The following PLA2G6 variants were observed in gnomAD, a reference collection of about 807,000 sequenced individuals.
The protein encoded by PLA2G6 is 85/88 kDa calcium-independent phospholipase A2.
PLA2G6 carries 62 observed loss-of-function variants against 83.8 expected under a neutral mutation model. The observed-to-expected ratio is 0.74, with a 90% CI of 0.60 to 0.91. PLA2G6 has a LOEUF of 0.91. PLA2G6 is among the 40% of genes least tolerant of loss of function. The pLI, the probability that PLA2G6 is intolerant of heterozygous loss-of-function variation, is 0.00. For synonymous variants in PLA2G6, 417 were observed against 449.8 expected (o/e 0.93, Z 0.92); for missense variants, 944 against 1,102.0 (o/e 0.86, Z 2.03).
intron 1 of PLA2G6, among the ~76,000 whole-genome samples, chr22:38,172,722 G>GA (rs1370038795): frequency 6.6e-5 from 10 of 152,236 alleles, no homozygotes; most frequent in Admixed American, 6.5e-4. Flanking sequence ...AGGAAGGGCA[G>GA]AGAGTCAAGA....
At chr22:38,145,032 C>CTTTT (rs968832533) in intron 3 of PLA2G6, 73 of 192,626 alleles carry the variant, frequency 3.8e-4, no homozygotes, top group South Asian at 1.0e-3. Flanking sequence ...AACGCAGCAC[C>CTTTT]TTTTTTTTTT....
At chr22:38,127,254 G>T in intron 9 of PLA2G6, 1 of 1,225,930 alleles carries the variant, frequency 8.2e-7, no homozygotes. Flanking sequence ...GTGAACAAGG[G>T]AAGCAGAAGA....
At chr22:38,171,315 A>G (rs566810975) in intron 1 of PLA2G6, among the ~76,000 whole-genome samples, 1 of 152,124 alleles carries the variant, frequency 6.6e-6, no homozygotes. Context: ...TCCTTCTTCA[A>G]ATCCAAGCTT....
At chr22:38,143,986 C>CA (rs2145822680) in intron 3 of PLA2G6, 1 of 171,542 alleles carries the variant, frequency 5.8e-6, no homozygotes, top group African/African-American at 2.4e-5. Context: ...TCAAGTGATA[C>CA]ACCCGCCTCG....
At chr22:38,162,637 C>T (rs1205140409) in intron 2 of PLA2G6, among the ~76,000 whole-genome samples, 1 of 152,114 alleles carries the variant, frequency 6.6e-6, no homozygotes, top group African/African-American at 2.4e-5. Flanking sequence ...GGTCAGGAAC[C>T]AGAGGCAACG....
In PLA2G6 at chr22:38,111,523, G is replaced by C. The variant is rs1306924225; in HGVS notation, c.*638C>G. On this transcript the variant is annotated 3_prime_UTR_variant, in exon 17 of 17. Transcript: ENST00000332509. ...ACTTGAATCCAAATGATTTATTTCA[G>C]TTTTGGCTCTTAAGCCACTTCCATT... 1 of 162,854 alleles carries C rather than the reference G, an allele frequency of 6.1e-6. No individual in the cohort carries two copies. Among genetic ancestry groups the C allele is most frequent in the Admixed American group, 5.7e-5 (1 of 17,554 alleles). 10.1% of individuals were successfully genotyped at this position (162,854 alleles called of 1,614,324 possible). A position where few individuals can be genotyped will look rare whatever the true frequency, so the allele number is the denominator to read the frequency against.
chr22:38,137,940 G>A (rs1192412407), intron 5 of PLA2G6: 1 of 152,272 alleles, frequency 6.6e-6, no homozygotes, highest in African/African-American at 2.4e-5. Context: ...TGGGATTCTT[G>A]GAGTAGGGCT....
chr22:38,156,874 C>G lies in PLA2G6; in HGVS notation c.210-11221G>C, dbSNP rs183101289. Among the ~76,000 whole-genome samples, 1,037 of 152,250 alleles carry G rather than the reference C, an allele frequency of 6.8e-3. 8 individuals are homozygous for G. Among genetic ancestry groups the G allele is most frequent in the South Asian group, 0.023 (112 of 4,826 alleles). ...GAACACATGGAAATGAAATAATATG[C>G]TCTTGAATGGTCAATGAAGAAATTA... is the stretch of plus-strand genomic sequence containing the variant. On this transcript the variant is annotated intron_variant, in intron 2 of 16. Transcript: ENST00000332509.
rs368497893 is a variant in PLA2G6, at chr22:38,132,831, C to T, written c.1077G>A (p.Ser359=). The T allele has an allele frequency of 8.4e-6, 13 of 1,545,014 alleles. No individual in the cohort carries two copies. Among genetic ancestry groups the T allele is most frequent in the East Asian group, 4.9e-5 (2 of 40,998 alleles). Residue 359 remains serine (S), a splice_region_variant and synonymous_variant, in exon 7 of 17, where the codon TCG becomes TCA. Transcript: ENST00000332509. This position sits in a 1 kb window ranked among gnomAD's most constrained non-coding sequence, Gnocchi z 5.0. ...HGNTPLHLAM[S]KDNVEMIKAL... ...GCAGGACACGCGGTCCTGGGCTCAC[C>T]GACATGGCCAGGTGCAGCGGGGTGT...
At chr22:38,153,383 G>A (rs1312882038) in intron 2 of PLA2G6, among the ~76,000 whole-genome samples, 4 of 152,204 alleles carry the variant, frequency 2.6e-5, no homozygotes, top group Non-Finnish European at 4.4e-5. Context: ...CCTGGCCGCC[G>A]TGCAACCTTC....
chr22:38,153,670 T>TCCA (rs1346031942), intron 2 of PLA2G6, among the ~76,000 whole-genome samples: 1 of 149,078 alleles, frequency 6.7e-6, no homozygotes, highest in East Asian at 2.0e-4. Flanking sequence ...AATAGAAACC[T>TCCA]CCACCAATTG....
rs1173791399 is a variant in PLA2G6, at chr22:38,112,617, C to CGG, written c.2203-41_2203-40insCC. ...CCTTGGTGAGTGCCGGGCCCACACCCCGCCCGGCCCGCACCCCGCCCGGCC... is the reference window on the plus strand; with the variant it reads ...CCTTGGTGAGTGCCGGGCCCACACCCGGCGCCCGGCCCGCACCCCGCCCGGCC... On this transcript the variant is annotated intron_variant, in intron 15 of 16. Coordinates refer to ENST00000332509, the MANE Select transcript of PLA2G6 (RefSeq NM_003560.4). 2.0e-6 allele frequency: 3 copies of CGG among 1,486,374 alleles called. No homozygotes were observed. In the African/African-American group the frequency reaches 4.2e-5, roughly 21 times the overall value. 92.1% of individuals were successfully genotyped at this position (1,486,374 alleles called of 1,614,324 possible).
intron 7 of PLA2G6, chr22:38,131,291 C>G (rs1186117025): frequency 2.6e-5 from 4 of 152,128 alleles, no homozygotes; most frequent in Non-Finnish European, 5.9e-5. Context: ...TCCCAAAGTG[C>G]TGGTGTACAC....
At chr22:38,147,238 T>A (rs1177563026) in intron 2 of PLA2G6, 1 of 153,400 alleles carries the variant, frequency 6.5e-6, no homozygotes, top group Non-Finnish European at 1.5e-5. Context: ...TGAGGACAGA[T>A]GAAAAACCAC....
At chr22:38,120,291 T>C (rs2087446785) in intron 12 of PLA2G6, among the ~76,000 whole-genome samples, 1 of 152,218 alleles carries the variant, frequency 6.6e-6, no homozygotes, top group African/African-American at 2.4e-5. Context: ...TATAACCTAG[T>C]AGTCCGATCC....
intron 2 of PLA2G6, chr22:38,150,187 T>C (rs988906664): frequency 6.6e-5 from 10 of 152,166 alleles, no homozygotes; most frequent in South Asian, 4.1e-4. Flanking sequence ...CAGTGGGAAT[T>C]TGTATCTCTT....
chr22:38,163,301 C>T (rs1055367434), intron 2 of PLA2G6: 1 of 158,150 alleles, frequency 6.3e-6, no homozygotes, highest in African/African-American at 2.4e-5. Context: ...TTCTGGACCC[C>T]TTAAGGTCTA....
chr22:38,123,607 G>A lies in PLA2G6; in HGVS notation c.1428-349C>T, dbSNP rs1273203392. On this transcript the variant is annotated intron_variant, in intron 10 of 16. Coordinates refer to ENST00000332509, the MANE Select transcript of PLA2G6 (RefSeq NM_003560.4). The surrounding 1 kb of genome is among the most constrained non-coding windows in gnomAD (Gnocchi z 4.1). ...TGATCCAAAGCAGGTGCCTGATAAA[G>A]TCTGTTGGAATTAAATAAGGCTGGG... Among the ~76,000 whole-genome samples the A allele has an allele frequency of 6.6e-6, 1 of 152,034 alleles. No individual in the cohort carries two copies. Among genetic ancestry groups the A allele is most frequent in the Admixed American group, 6.6e-5 (1 of 15,260 alleles).
chr22:38,158,430 C>CA (rs1299137983), intron 2 of PLA2G6, among the ~76,000 whole-genome samples: 1 of 152,186 alleles, frequency 6.6e-6, no homozygotes, highest in African/African-American at 2.4e-5. Flanking sequence ...CTTGGCCTCC[C>CA]ACAGTGCTGG....
Sources: allele counts gnomAD v4.1 joint callset (sites outside exome capture counted in the v4.1 genomes callset), GRCh38; gene constraint gnomAD v4.1.1; non-coding constraint Gnocchi (gnomAD v3.1); transcripts MANE v1.5; gene names NCBI Gene and HGNC (gene_info 2026-07-23, HGNC 2026-07-21).